Variants in TMF1 observed in about 807,000 individuals in gnomAD.
TMF1 encodes TATA element modulatory factor.
Under a neutral mutation model 126.5 loss-of-function variants are expected in TMF1, and 71 were observed. That is an observed-to-expected ratio of 0.56 (90% CI 0.46 to 0.68). The LOEUF (loss-of-function observed/expected upper bound fraction) is 0.68, where lower values mean the gene tolerates loss of function less well. Among genes scored for constraint, TMF1 ranks in the 30% least tolerant of loss-of-function variants. The probability of loss-of-function intolerance (pLI) is 0.00; values close to 1 mark genes in which losing one functional copy is unlikely to be tolerated. For missense variants in TMF1, 1,259 were observed against 1,253.2 expected (o/e 1.00, Z -0.07); for synonymous variants, 461 against 430.5 (o/e 1.07, Z -0.88).
chr3:69,043,985 T>A (rs2091881222), intron 3 of TMF1, 109 bp from the exon 4 acceptor site: 1 of 831,850 alleles, frequency 1.2e-6, no homozygotes, highest in African/African-American at 1.8e-5. Flanking sequence ...ATATACCTTA[T>A]TAAAATAGAA....
intron 3 of TMF1, 107 bp downstream of exon 3, chr3:69,044,385 T>G (rs904353296): frequency 1.7e-6 from 1 of 604,836 alleles, no homozygotes; most frequent in Non-Finnish European, 2.8e-6. Flanking sequence ...CTTTCAATAA[T>G]GATAAAATTA....
intron 1 of TMF1, chr3:69,048,883 T>C (rs1397623340): frequency 2.4e-5 from 5 of 207,842 alleles, no homozygotes. Flanking sequence ...ATATGTTTTA[T>C]AACCCACAGT....
chr3:69,049,253 G>A (rs2091912904), intron 1 of TMF1, among the ~76,000 whole-genome samples: 2 of 152,156 alleles, frequency 1.3e-5, no homozygotes, highest in South Asian at 4.1e-4. Context: ...CCACATATGT[G>A]GTCCCAGCTA....
At chr3:69,025,931 G>A in intron 14 of TMF1, 65 bp downstream of exon 14, 4 of 1,367,760 alleles carry the variant, frequency 2.9e-6, no homozygotes, top group East Asian at 2.3e-5. Flanking sequence ...AGACAATATT[G>A]CCATTTGCAT....
At position 69,048,210 on chromosome 3, in the gene TMF1, T is replaced by C; in HGVS notation, c.495A>G (p.Ala165=). The change falls in exon 2 of 17, where the codon GCA becomes GCG. Residue 165 remains alanine (A), a synonymous_variant. Transcript: ENST00000398559. ...SSLCVSGETL[A]AGTSSPKTEG... is the part of the protein sequence containing the mutation. ...CAGTTTTAGGTGATGAAGTACCTGC[T>C]GCCAGAGTTTCCCCTGAAACACACA... 1 of 1,614,236 alleles carries C rather than the reference T, an allele frequency of 6.2e-7. No homozygotes were observed. Among genetic ancestry groups the C allele is most frequent in the Non-Finnish European group, 8.5e-7 (1 of 1,180,034 alleles).
In TMF1 at chr3:69,023,132, AT is replaced by A; in HGVS notation, c.*44del. The A allele has an allele frequency of 6.5e-7, 1 of 1,543,970 alleles. No individual in the cohort carries two copies. Among genetic ancestry groups the A allele is most frequent in the Non-Finnish European group, 8.9e-7 (1 of 1,129,090 alleles). The stretch of plus-strand genomic sequence containing the variant: ...GGAAGTCCACATTAAATGTTTAGAT[AT>A]TAAATGCTTACATTCAGTTTGATGG... On this transcript the variant is annotated 3_prime_UTR_variant, in exon 17 of 17. Coordinates refer to ENST00000398559, the MANE Select transcript of TMF1 (RefSeq NM_007114.3).
chr3:69,026,570 A>G (rs545790097), intron 13 of TMF1, among the ~76,000 whole-genome samples: 1 of 152,332 alleles, frequency 6.6e-6, no homozygotes, highest in African/African-American at 2.4e-5. Context: ...CGGTGAGCTG[A>G]GATAGCACCA....
At chr3:69,050,365 T>C (rs1299114732) in intron 1 of TMF1, among the ~76,000 whole-genome samples, 2 of 151,976 alleles carry the variant, frequency 1.3e-5, no homozygotes, top group African/African-American at 4.8e-5. Context: ...TTTGGAGGCA[T>C]AGTTCTACAC....
In TMF1 at chr3:69,022,601, T is replaced by C. The variant is rs1226814975; in HGVS notation, c.*576A>G. ...TTTTAAGTTTAAATCATTCACTCTT[T>C]AAATTTCAGACAGTGTCAGTGTGAC... On this transcript the variant is annotated 3_prime_UTR_variant, in exon 17 of 17. Transcript: ENST00000398559. 1 of 152,514 alleles carries C rather than the reference T, an allele frequency of 6.6e-6. No individual in the cohort carries two copies. Among genetic ancestry groups the C allele is most frequent in the East Asian group, 1.9e-4 (1 of 5,204 alleles). 9.4% of individuals were successfully genotyped at this position (152,514 alleles called of 1,614,324 possible). A position where few individuals can be genotyped will look rare whatever the true frequency, so the allele number is the denominator to read the frequency against.
intron 16 of TMF1, 49 bp downstream of exon 16, chr3:69,024,006 T>A: frequency 6.6e-7 from 1 of 1,521,628 alleles, no homozygotes; most frequent in Non-Finnish European, 8.8e-7. Context: ...AGATTTAAAG[T>A]AAATGAACTA....
chr3:69,043,632 A>G, intron 4 of TMF1, 118 bp downstream of exon 4: 1 of 996,630 alleles, frequency 1.0e-6, no homozygotes, highest in Non-Finnish European at 1.4e-6. Context: ...AAATGTTAAT[A>G]GATGATATCC....
chr3:69,042,566 G>A (rs754344397), intron 5 of TMF1: 1 of 605,314 alleles, frequency 1.7e-6, no homozygotes, highest in South Asian at 1.5e-5. Context: ...ACAAATTTCT[G>A]TCTATTTTAC....
At chr3:69,039,723 A>G in intron 5 of TMF1, 30 bp from the exon 6 acceptor site, 1 of 1,590,644 alleles carries the variant, frequency 6.3e-7, no homozygotes, top group East Asian at 2.3e-5. Context: ...ATAAACTCAA[A>G]TGATAACTAT....
chr3:69,047,293 T>C, intron 2 of TMF1, 65 bp downstream of exon 2: 1 of 1,485,442 alleles, frequency 6.7e-7, no homozygotes, highest in Middle Eastern at 1.8e-4. Context: ...GAAAGTATTT[T>C]TTAAAACAAA....
intron 5 of TMF1, among the ~76,000 whole-genome samples, chr3:69,042,025 A>G (rs1290587014): frequency 6.6e-6 from 1 of 151,934 alleles, no homozygotes; most frequent in African/African-American, 2.4e-5. Flanking sequence ...CTGTAATGCT[A>G]TTAATTTTAT....
intron 11 of TMF1, among the ~76,000 whole-genome samples, chr3:69,029,445 A>C (rs2091787262): frequency 1.1e-5 from 1 of 90,536 alleles, no homozygotes; most frequent in Non-Finnish European, 2.2e-5. Context: ...TACTTATTTA[A>C]TTTATTTTTT....
chr3:69,044,768 G>A, intron 2 of TMF1, 173 bp from the exon 3 acceptor site: 1 of 474,010 alleles, frequency 2.1e-6, no homozygotes, highest in Non-Finnish European at 3.7e-6. Flanking sequence ...CAGCTGAGAG[G>A]AGAGTAAAAG....
rs1286153664 is a variant in TMF1, at chr3:69,033,561, A to G, written c.2388T>C (p.Leu796=). The G allele has an allele frequency of 6.2e-7, 1 of 1,612,900 alleles. No homozygotes were observed. The highest frequency in any genetic ancestry group is 1.1e-5 in the South Asian group (1 of 90,782). The change falls in exon 10 of 17, where the codon CTT becomes CTC. Residue 796 remains leucine, a synonymous_variant. Coordinates refer to ENST00000398559, the MANE Select transcript of TMF1 (RefSeq NM_007114.3). ...TSSWEKLEKN[L]SDRLGESQTL... ...TAAAGCAGTTACCAAGCCTATCAGA[A>G]AGATTCTTCTCTAATTTCTCCCACG...
Position 69,052,319 on chromosome 3 carries a change from A to G in TMF1, c.-233T>C. On this transcript the variant is annotated 5_prime_UTR_variant, in exon 1 of 17. Coordinates refer to ENST00000398559, the MANE Select transcript of TMF1 (RefSeq NM_007114.3). ...ATGCGCTTGCTTCTTCCACGTACAC[A>G]GCAACCAAATCTACGAGCCCAGAGT... is the stretch of plus-strand genomic sequence containing the variant. 1 of 376,376 alleles carries G rather than the reference A, an allele frequency of 2.7e-6. No homozygotes were observed. The highest frequency in any genetic ancestry group is 2.1e-5 in the African/African-American group (1 of 48,014). 23.3% of individuals were successfully genotyped at this position (376,376 alleles called of 1,614,324 possible).
Sources: allele counts gnomAD v4.1 joint callset (sites outside exome capture counted in the v4.1 genomes callset), GRCh38; gene constraint gnomAD v4.1.1; transcripts MANE v1.5; gene names NCBI Gene and HGNC (gene_info 2026-07-23, HGNC 2026-07-21).